The following MARCHF1 variants were observed in gnomAD, a reference collection of about 807,000 sequenced individuals.
MARCHF1 encodes the protein E3 ubiquitin-protein ligase MARCHF1.
In MARCHF1, 40 loss-of-function variants were observed where a neutral mutation model predicts 54.2. The ratio of observed to expected loss-of-function variants is 0.74; its 90% CI spans 0.57 to 0.96. The LOEUF (loss-of-function observed/expected upper bound fraction) is 0.96. MARCHF1 is among the 40% of genes least tolerant of loss of function. MARCHF1 has a pLI of 0.00. For synonymous variants in MARCHF1, 236 were observed against 236.3 expected, an observed-to-expected ratio of 1.00 and a Z score of 0.01; for missense variants, 586 against 656.5, an observed-to-expected ratio of 0.89 and a Z score of 1.17.
At chr4:163,551,930 T>C (rs978722462) in intron 8 of MARCHF1, among the ~76,000 whole-genome samples, 2 of 152,282 alleles carry the variant, frequency 1.3e-5, no homozygotes, top group Middle Eastern at 3.4e-3. Flanking sequence ...CAGTCTCAGG[T>C]ATGTCTTTAT....
chr4:163,704,099 GTT>G (rs912346239), intron 4 of MARCHF1, among the ~76,000 whole-genome samples: 1 of 146,512 alleles, frequency 6.8e-6, no homozygotes, highest in African/African-American at 2.5e-5. Context: ...GCTTAAAAAA[GTT>G]TTTTTTTAAT....
chr4:164,049,653 A>T (rs1284550993), intron 2 of MARCHF1, among the ~76,000 whole-genome samples: 1 of 152,116 alleles, frequency 6.6e-6, no homozygotes, highest in African/African-American at 2.4e-5. Context: ...TAAAATTGAC[A>T]AAAAAAGCTA....
chr4:163,684,956 T>C (rs1348496492), intron 5 of MARCHF1, among the ~76,000 whole-genome samples: 1 of 152,256 alleles, frequency 6.6e-6, no homozygotes, highest in Non-Finnish European at 1.5e-5. Context: ...CAAAGTAAGC[T>C]GCACACTAAA....
chr4:163,907,278 T>C (rs1277118890), intron 3 of MARCHF1, among the ~76,000 whole-genome samples: 1 of 152,116 alleles, frequency 6.6e-6, no homozygotes, highest in Non-Finnish European at 1.5e-5. Context: ...GAATGAAATA[T>C]ATTTTTATGT....
chr4:163,776,988 C>T (rs1747326360), intron 4 of MARCHF1, among the ~76,000 whole-genome samples: 1 of 152,060 alleles, frequency 6.6e-6, no homozygotes, highest in Admixed American at 6.6e-5. Flanking sequence ...ACCTGTTTTG[C>T]TTTTTAATTC....
chr4:163,698,350 C>G (rs1280583100), intron 5 of MARCHF1, among the ~76,000 whole-genome samples: 1 of 152,284 alleles, frequency 6.6e-6, no homozygotes, highest in South Asian at 2.1e-4. Context: ...TAGTTTTCCA[C>G]TTATCAATTT....
At chr4:164,150,290 T>C (rs11733802) in intron 1 of MARCHF1, among the ~76,000 whole-genome samples, 28,934 of 152,164 alleles carry the variant, frequency 0.19, 3,262 homozygotes, top group Non-Finnish European at 0.26. Context: ...TCAAGTGTTG[T>C]GTGCTTTGCA....
At chr4:163,637,201 C>T (rs1265556287) in intron 5 of MARCHF1, among the ~76,000 whole-genome samples, 1 of 152,088 alleles carries the variant, frequency 6.6e-6, no homozygotes, top group Non-Finnish European at 1.5e-5. Context: ...GACTTCTTGT[C>T]TAAAACACCA....
At chr4:164,033,087 T>G (rs570972688) in intron 2 of MARCHF1, among the ~76,000 whole-genome samples, 71 of 151,030 alleles carry the variant, frequency 4.7e-4, no homozygotes, top group Admixed American at 6.6e-4. Flanking sequence ...GGTGCTGAGG[T>G]CGTTTGAACC....
chr4:163,834,851 T>A (rs1035617999), intron 4 of MARCHF1, among the ~76,000 whole-genome samples: 1 of 152,110 alleles, frequency 6.6e-6, no homozygotes, highest in East Asian at 1.9e-4. Flanking sequence ...TATGTTATTA[T>A]TAGAGATGCA....
intron 2 of MARCHF1, among the ~76,000 whole-genome samples, chr4:164,045,323 C>T (rs1431215053): frequency 2.0e-5 from 3 of 151,656 alleles, no homozygotes; most frequent in African/African-American, 7.3e-5. Flanking sequence ...ATCAGCCTGG[C>T]CAAAATGGTG....
At chr4:163,870,019 A>G (rs1750137335) in intron 3 of MARCHF1, among the ~76,000 whole-genome samples, 1 of 152,144 alleles carries the variant, frequency 6.6e-6, no homozygotes, top group South Asian at 2.1e-4. Flanking sequence ...CTAAGAAATG[A>G]ACATAGTTAA....
At chr4:163,720,711 T>C (rs1034881254) in intron 4 of MARCHF1, among the ~76,000 whole-genome samples, 2 of 152,228 alleles carry the variant, frequency 1.3e-5, no homozygotes, top group Admixed American at 6.5e-5. Flanking sequence ...CACTGAGCTG[T>C]GGTTTGTAGT....
At chr4:164,098,762 A>T (rs116821886) in intron 2 of MARCHF1, among the ~76,000 whole-genome samples, 2,357 of 152,312 alleles carry the variant, frequency 0.015, 48 homozygotes, top group African/African-American at 0.054. Flanking sequence ...GGCTGTCTTT[A>T]TGCAATGGTT....
chr4:163,864,257 G>A (rs1475507340), intron 3 of MARCHF1, among the ~76,000 whole-genome samples: 1 of 151,868 alleles, frequency 6.6e-6, no homozygotes, highest in Non-Finnish European at 1.5e-5. Flanking sequence ...CTTCAGATGT[G>A]TTGGAAATGG....
rs534864647 is a variant in MARCHF1, at chr4:164,329,452, G to T, written c.-323+54418C>A. On this transcript the variant is annotated intron_variant, in intron 1 of 9. Transcript: ENST00000514618. Reference sequence around the variant, plus strand: ...AATAAATGAAAAGACGGAAAAAAAAGGTCATGCTTATATCAATGCTCAAAT... The same window carrying T: ...AATAAATGAAAAGACGGAAAAAAAATGTCATGCTTATATCAATGCTCAAAT... Among the ~76,000 whole-genome samples the T allele has an allele frequency of 2.0e-5, 3 of 152,274 alleles. No homozygotes were observed. In the South Asian group the frequency reaches 6.2e-4, roughly 32 times the overall value.
intron 4 of MARCHF1, among the ~76,000 whole-genome samples, chr4:163,849,971 C>T (rs534053595): frequency 6.6e-6 from 1 of 152,140 alleles, no homozygotes; most frequent in Non-Finnish European, 1.5e-5. Flanking sequence ...AAGCTGGGAG[C>T]CTTCAAACCA....
At chr4:163,607,601 A>G (rs1297376055) in intron 7 of MARCHF1, among the ~76,000 whole-genome samples, 2 of 152,112 alleles carry the variant, frequency 1.3e-5, no homozygotes, top group African/African-American at 4.8e-5. Context: ...AATGTGAAGT[A>G]CAGGAATGTA....
At position 164,209,421 on chromosome 4, in the gene MARCHF1, C is replaced by T. The variant is rs147893034; in HGVS notation, c.-322-97759G>A. 3.0e-3 allele frequency among the ~76,000 whole-genome samples: 456 copies of T among 152,184 alleles called. 4 individuals carry two copies. The highest frequency in any genetic ancestry group is 0.011 in the African/African-American group (440 of 41,518). On this transcript the variant is annotated intron_variant, in intron 1 of 9. Coordinates refer to ENST00000514618, the MANE Select transcript of MARCHF1 (RefSeq NM_001394959.1). ...CTGGAATCTTCTCATAGTACACTGG[C>T]CAGAACTTAGTCATACTTAACTACA...
Sources: gnomAD v4.1 joint callset for allele counts (sites outside exome capture counted in the v4.1 genomes callset) on GRCh38, gnomAD v4.1.1 for gene constraint, MANE v1.5 for transcripts, NCBI Gene and HGNC (gene_info 2026-07-23, HGNC 2026-07-21) for gene names.